Variants in ARHGAP31 observed in about 807,000 individuals in gnomAD.
The protein encoded by ARHGAP31 is rho GTPase-activating protein 31.
ARHGAP31 carries 34 observed loss-of-function variants against 113.9 expected under a neutral mutation model. The ratio of observed to expected loss-of-function variants is 0.30; its 90% CI spans 0.23 to 0.40. The LOEUF (loss-of-function observed/expected upper bound fraction) is 0.40. Ranked by LOEUF, ARHGAP31 falls within the 10% of genes least tolerant of loss-of-function variation. The probability of loss-of-function intolerance (pLI) is 1.00; values close to 1 mark genes in which losing one functional copy is unlikely to be tolerated. For missense variants in ARHGAP31, 1,548 were observed against 1,767.1 expected (o/e 0.88, Z 2.22); for synonymous variants, 650 against 684.8 (o/e 0.95, Z 0.79).
intron 1 of ARHGAP31, among the ~76,000 whole-genome samples, chr3:119,312,036 T>A (rs926082446): frequency 2.0e-5 from 3 of 152,242 alleles, no homozygotes; most frequent in Non-Finnish European, 4.4e-5. Context: ...AACTCTCTGT[T>A]TACAGGAACC....
At chr3:119,365,222 C>T (rs1310752372) in intron 1 of ARHGAP31, 94 bp from the exon 2 acceptor site, 1 of 1,023,486 alleles carries the variant, frequency 9.8e-7, no homozygotes, top group East Asian at 2.6e-5. Context: ...ACTTACATCT[C>T]TTTGAAGGTA....
At chr3:119,357,890 T>G (rs569878511) in intron 1 of ARHGAP31, among the ~76,000 whole-genome samples, 1 of 152,386 alleles carries the variant, frequency 6.6e-6, no homozygotes, top group East Asian at 1.9e-4. Flanking sequence ...TCACTCTTTA[T>G]GCATGTGCAT....
chr3:119,387,909 G>T lies in ARHGAP31; in HGVS notation c.683-2876G>T, dbSNP rs961502755. 7.9e-5 allele frequency among the ~76,000 whole-genome samples: 12 copies of T among 152,294 alleles called. No homozygotes were observed. In the South Asian group the frequency reaches 2.5e-3, roughly 32 times the overall value. Reference sequence around the variant, plus strand: ...TAAGGCAATAGTCAGTGACTTGGGGGTATAATTTTGGGACAGAGTGGTCAA... The same window carrying T: ...TAAGGCAATAGTCAGTGACTTGGGGTTATAATTTTGGGACAGAGTGGTCAA... On this transcript the variant is annotated intron_variant, in intron 6 of 11. Coordinates refer to ENST00000264245, the MANE Select transcript of ARHGAP31 (RefSeq NM_020754.4).
chr3:119,377,527 A>C (rs553912055), intron 3 of ARHGAP31, among the ~76,000 whole-genome samples: 8 of 152,268 alleles, frequency 5.3e-5, no homozygotes, highest in Admixed American at 3.3e-4. Context: ...TGCTTAGGGG[A>C]CATGTGGAGG....
rs868835226 is a variant in ARHGAP31 at position 119,323,009 on chromosome 3, C to T, written c.100+28005C>T. 1.3e-4 allele frequency among the ~76,000 whole-genome samples: 20 copies of T among 152,372 alleles called. 1 individual carries two copies. The highest frequency in any genetic ancestry group is 4.6e-4 in the African/African-American group (19 of 41,590). The stretch of plus-strand genomic sequence containing the variant: ...CCCCGCCCCGGGGTCCGGGCGCCCG[C>T]CCGGCGCTTCAGCTTCAGCAACGTC... On this transcript the variant is annotated intron_variant, in intron 1 of 11. Transcript: ENST00000264245.
At chr3:119,361,083 T>A (rs1163379090) in intron 1 of ARHGAP31, among the ~76,000 whole-genome samples, 2 of 152,214 alleles carry the variant, frequency 1.3e-5, no homozygotes, top group African/African-American at 4.8e-5. Flanking sequence ...CCCAATCTGA[T>A]AGGACCCCTG....
chr3:119,379,660 T>C (rs938581850), intron 3 of ARHGAP31, among the ~76,000 whole-genome samples: 1 of 152,230 alleles, frequency 6.6e-6, no homozygotes, highest in Non-Finnish European at 1.5e-5. Context: ...CCAGCACTGG[T>C]AGGAAATACA....
intron 1 of ARHGAP31, among the ~76,000 whole-genome samples, chr3:119,326,499 C>T (rs976235619): frequency 2.0e-5 from 3 of 152,058 alleles, no homozygotes; most frequent in African/African-American, 7.2e-5. Context: ...ATAGCATTCC[C>T]CTCTGGGAAA....
chr3:119,401,170 CAAA>C (rs11459615), intron 9 of ARHGAP31, among the ~76,000 whole-genome samples: 2 of 131,772 alleles, frequency 1.5e-5, no homozygotes, highest in Admixed American at 7.6e-5. Flanking sequence ...TACTCCATCT[CAAA>C]AAAAAAAAAA....
At chr3:119,319,171 T>G (rs2079760451) in intron 1 of ARHGAP31, among the ~76,000 whole-genome samples, 1 of 151,724 alleles carries the variant, frequency 6.6e-6, no homozygotes, top group Admixed American at 6.6e-5. Flanking sequence ...CCACAGAGAT[T>G]AATCTTCTGG....
chr3:119,336,510 A>C (rs889915509), intron 1 of ARHGAP31, among the ~76,000 whole-genome samples: 3 of 152,204 alleles, frequency 2.0e-5, no homozygotes, highest in Non-Finnish European at 4.4e-5. Flanking sequence ...AATGACAATA[A>C]AACCAAGAGT....
At chr3:119,332,438 G>C (rs1252016280) in intron 1 of ARHGAP31, among the ~76,000 whole-genome samples, 2 of 151,978 alleles carry the variant, frequency 1.3e-5, no homozygotes, top group African/African-American at 4.8e-5. Flanking sequence ...GACCTCAGGT[G>C]ATCCACCCAC....
At chr3:119,360,884 G>A (rs1215444659) in intron 1 of ARHGAP31, among the ~76,000 whole-genome samples, 1 of 152,184 alleles carries the variant, frequency 6.6e-6, no homozygotes, top group Non-Finnish European at 1.5e-5. Context: ...CAGCAACTAT[G>A]TGTACCTCTG....
rs905248715 is a variant in ARHGAP31 at position 119,419,819 on chromosome 3, G to T, written c.*3555G>T. 3.3e-5 allele frequency: 5 copies of T among 152,192 alleles called. No individual in the cohort carries two copies. Among genetic ancestry groups the T allele is most frequent in the Non-Finnish European group, 7.3e-5 (5 of 68,040 alleles). The allele number at this position is 152,192 out of a possible 1,614,324, so 9.4% of individuals were successfully genotyped here. Reference sequence around the variant, plus strand: ...GCTTGATTTAGAAAACTGGAAAGTGGCAACTAGGCTAGAATAGTGGCAACT... The same window carrying T: ...GCTTGATTTAGAAAACTGGAAAGTGTCAACTAGGCTAGAATAGTGGCAACT... On this transcript the variant is annotated 3_prime_UTR_variant, in exon 12 of 12. Coordinates refer to ENST00000264245, the MANE Select transcript of ARHGAP31 (RefSeq NM_020754.4).
chr3:119,385,056 C>A (rs2080437722), intron 6 of ARHGAP31, among the ~76,000 whole-genome samples: 1 of 151,844 alleles, frequency 6.6e-6, no homozygotes, highest in South Asian at 2.1e-4. Context: ...TCCTGAGTAG[C>A]TGGGATTACA....
chr3:119,337,473 A>G (rs985984217), intron 1 of ARHGAP31, among the ~76,000 whole-genome samples: 1 of 152,198 alleles, frequency 6.6e-6, no homozygotes, highest in Non-Finnish European at 1.5e-5. Context: ...TACTGCAAAA[A>G]GCAAAAGAAC....
chr3:119,405,419 G>A (rs1346822725), intron 10 of ARHGAP31, among the ~76,000 whole-genome samples: 2 of 152,130 alleles, frequency 1.3e-5, no homozygotes. Context: ...TGTCTGCATG[G>A]TCAGAGTAGG....
In ARHGAP31 at chr3:119,415,481, A is replaced by G; in HGVS notation, c.3552A>G (p.Ser1184=). 1 of 1,614,082 alleles carries G rather than the reference A, an allele frequency of 6.2e-7. No individual in the cohort carries two copies. Among genetic ancestry groups the G allele is most frequent in the Non-Finnish European group, 8.5e-7 (1 of 1,180,014 alleles). Residue 1184 remains serine, a synonymous_variant, in exon 12 of 12, where the codon TCA becomes TCG. Transcript: ENST00000264245. ...GTAACTCAGCTCCTGTGAGTGTGTC[A>G]GCTGTGAGAACCTCCTTCATGGTCA... The part of the protein sequence containing the change: ...GRRNSAPVSV[S]AVRTSFMVKM...
chr3:119,370,970 C>G (rs1386323963), intron 3 of ARHGAP31, among the ~76,000 whole-genome samples: 5 of 152,174 alleles, frequency 3.3e-5, no homozygotes, highest in African/African-American at 1.2e-4. Flanking sequence ...TCCCTGCAGA[C>G]TTTCCAACCC....
Sources: allele counts gnomAD v4.1 joint callset (sites outside exome capture counted in the v4.1 genomes callset), GRCh38; gene constraint gnomAD v4.1.1; transcripts MANE v1.5; gene names NCBI Gene and HGNC (gene_info 2026-07-23, HGNC 2026-07-21).